LSAMP: variants seen among roughly 807,000 people sequenced by gnomAD.
The protein encoded by LSAMP is limbic system-associated membrane protein.
A neutral mutation model predicts 38.6 loss-of-function variants in LSAMP; 7 were observed. The ratio of observed to expected loss-of-function variants is 0.18; its 90% CI spans 0.10 to 0.34. LSAMP has a LOEUF of 0.34. LSAMP is among the 10% of genes least tolerant of loss of function. LSAMP has a pLI of 1.00. For missense variants in LSAMP, 313 were observed against 420.0 expected (o/e 0.75, Z 2.23); for synonymous variants, 154 against 166.8 (o/e 0.92, Z 0.59).
intron 3 of LSAMP, among the ~76,000 whole-genome samples, chr3:115,919,464 G>A (rs1937332333): frequency 6.6e-6 from 1 of 152,168 alleles, no homozygotes; most frequent in Non-Finnish European, 1.5e-5. Flanking sequence ...TGTAATTCTA[G>A]AGGTCAGGTT....
chr3:116,222,838 C>A (rs1001945201), intron 1 of LSAMP, among the ~76,000 whole-genome samples: 2 of 148,316 alleles, frequency 1.3e-5, no homozygotes, highest in African/African-American at 2.5e-5. Flanking sequence ...CGGGTTCACA[C>A]CATTCTCCTG....
rs148032638 is a variant in LSAMP at position 115,936,836 on chromosome 3, T to A, written c.514+82679A>T. Among the ~76,000 whole-genome samples, 474 of 152,208 alleles carry A rather than the reference T, an allele frequency of 3.1e-3. 3 individuals carry two copies. Among genetic ancestry groups the A allele is most frequent in the African/African-American group, 0.011 (439 of 41,536 alleles). On this transcript the variant is annotated intron_variant, in intron 3 of 6. Coordinates refer to ENST00000490035, the MANE Select transcript of LSAMP (RefSeq NM_002338.5). ...GTAGCCACACTAAAGTCAGCAAAAG[T>A]AAGAGAATTCTGACTCTAGGAAGTT...
chr3:115,842,671 G>A (rs1011338197), intron 4 of LSAMP, 93 bp from the exon 5 acceptor site: 1 of 1,511,750 alleles, frequency 6.6e-7, no homozygotes, highest in Non-Finnish European at 9.0e-7. Context: ...TCTGATTAGA[G>A]AGAGGCAGGA....
chr3:116,413,089 A>G (rs1712999), intron 1 of LSAMP, among the ~76,000 whole-genome samples: 26,936 of 151,958 alleles, frequency 0.18, 3,376 homozygotes, highest in African/African-American at 0.36. Context: ...TTTTTAACAC[A>G]TCTTCCAGGT....
intron 1 of LSAMP, among the ~76,000 whole-genome samples, chr3:116,179,703 G>A (rs1710438936): frequency 6.6e-6 from 1 of 152,060 alleles, no homozygotes; most frequent in African/African-American, 2.4e-5. Context: ...CATGAGAACA[G>A]CAAGGGGAAA....
chr3:115,836,638 A>G (rs1934798344), intron 6 of LSAMP, among the ~76,000 whole-genome samples: 1 of 152,068 alleles, frequency 6.6e-6, no homozygotes, highest in Non-Finnish European at 1.5e-5. Flanking sequence ...CTTAACTCTC[A>G]GCTTTGGTTT....
intron 1 of LSAMP, among the ~76,000 whole-genome samples, chr3:116,270,244 GATGATAAACGGAA>G (rs1250893915): frequency 2.0e-5 from 3 of 152,178 alleles, no homozygotes; most frequent in Non-Finnish European, 4.4e-5. Flanking sequence ...TTTTCACTGT[GATGATAAACGGAA>G]ATGATAAAAG....
intron 1 of LSAMP, among the ~76,000 whole-genome samples, chr3:116,191,835 T>C (rs1316360174): frequency 1.3e-5 from 2 of 152,078 alleles, no homozygotes; most frequent in Non-Finnish European, 2.9e-5. Flanking sequence ...GTTAAAAATG[T>C]ACAAATCATA....
rs1376230899 is a variant in LSAMP at position 116,370,606 on chromosome 3, G to C, written c.155+74271C>G. 2.6e-5 allele frequency among the ~76,000 whole-genome samples: 4 copies of C among 152,112 alleles called. No individual in the cohort carries two copies. The East Asian group carries it at 7.7e-4, about 29-fold the overall frequency. ...ATGCACACATTTTGTGGGGAGTTGAGGGGAGGGTAAAAATGACCCTGCCAT... is the reference window on the plus strand; with the variant it reads ...ATGCACACATTTTGTGGGGAGTTGACGGGAGGGTAAAAATGACCCTGCCAT... On this transcript the variant is annotated intron_variant, in intron 1 of 6. Coordinates refer to ENST00000490035, the MANE Select transcript of LSAMP (RefSeq NM_002338.5).
intron 1 of LSAMP, among the ~76,000 whole-genome samples, chr3:116,251,622 A>T (rs2046686290): frequency 6.6e-6 from 1 of 152,230 alleles, no homozygotes; most frequent in Non-Finnish European, 1.5e-5. Flanking sequence ...GCTGAGCAAA[A>T]TGTTACATCA....
intron 1 of LSAMP, among the ~76,000 whole-genome samples, chr3:116,211,227 A>G (rs2046152524): frequency 6.6e-6 from 1 of 152,218 alleles, no homozygotes; most frequent in South Asian, 2.1e-4. Flanking sequence ...CAAAGGATGC[A>G]AAATTGCATT....
chr3:116,351,795 C>G (rs534505855), intron 1 of LSAMP, among the ~76,000 whole-genome samples: 100 of 152,122 alleles, frequency 6.6e-4, no homozygotes, highest in African/African-American at 2.2e-3. Context: ...TGAATAAATA[C>G]ATTTGGAAGT....
chr3:116,015,531 GAC>G (rs1465529995), intron 3 of LSAMP, among the ~76,000 whole-genome samples: 2 of 152,062 alleles, frequency 1.3e-5, no homozygotes, highest in Non-Finnish European at 2.9e-5. Context: ...CTACATGTGT[GAC>G]ACATCATTTT....
chr3:116,402,463 A>C (rs2048851538), intron 1 of LSAMP, among the ~76,000 whole-genome samples: 1 of 152,146 alleles, frequency 6.6e-6, no homozygotes, highest in African/African-American at 2.4e-5. Flanking sequence ...ACAGTAAGAA[A>C]ATTTTTAAAA....
chr3:116,102,785 A>ATCTATCTGTCTGTCTG (rs562864883), intron 1 of LSAMP, among the ~76,000 whole-genome samples: 3 of 151,692 alleles, frequency 2.0e-5, no homozygotes, highest in African/African-American at 7.3e-5. Context: ...CTATCTATCT[A>ATCTATCTGTCTGTCTG]TCTGTCTGTC....
chr3:116,036,609 A>G (rs888312951), intron 2 of LSAMP, among the ~76,000 whole-genome samples: 1 of 152,206 alleles, frequency 6.6e-6, no homozygotes, highest in African/African-American at 2.4e-5. Flanking sequence ...CCCCTAACCT[A>G]TAAGTCACTG....
chr3:116,283,541 T>C (rs1450491329), intron 1 of LSAMP, among the ~76,000 whole-genome samples: 1 of 152,210 alleles, frequency 6.6e-6, no homozygotes, highest in Non-Finnish European at 1.5e-5. Flanking sequence ...TCTAACCTCA[T>C]CTGGCTACGT....
At chr3:116,105,242 G>T (rs1453947205) in intron 1 of LSAMP, among the ~76,000 whole-genome samples, 1 of 151,998 alleles carries the variant, frequency 6.6e-6, no homozygotes, top group South Asian at 2.1e-4. Context: ...ATACTGCCAG[G>T]CAATTCTTTG....
chr3:116,091,936 T>G (rs997985308), intron 1 of LSAMP, among the ~76,000 whole-genome samples: 2 of 152,168 alleles, frequency 1.3e-5, no homozygotes, highest in Non-Finnish European at 2.9e-5. Flanking sequence ...TCTTCTCTCG[T>G]CAGTGTAACC....
Sources: gnomAD v4.1 joint callset for allele counts (sites outside exome capture counted in the v4.1 genomes callset) on GRCh38, gnomAD v4.1.1 for gene constraint, MANE v1.5 for transcripts, NCBI Gene and HGNC (gene_info 2026-07-23, HGNC 2026-07-21) for gene names.